Variants in PCDHA4 observed in about 807,000 individuals in gnomAD.
PCDHA4 encodes the protein protocadherin alpha-4.
A neutral mutation model predicts 61.4 loss-of-function variants in PCDHA4; 49 were observed. That is an observed-to-expected ratio of 0.80 (90% CI 0.63 to 1.01). The LOEUF is 1.01. PCDHA4 is among the 50% of genes least tolerant of loss of function. The probability of loss-of-function intolerance (pLI) is 0.00; values close to 1 mark genes in which losing one functional copy is unlikely to be tolerated. For missense variants in PCDHA4, 1,254 were observed against 1,235.8 expected, an observed-to-expected ratio of 1.01 and a Z score of -0.22; for synonymous variants, 590 against 550.3, an observed-to-expected ratio of 1.07 and a Z score of -1.01.
rs2150492048 is a variant in PCDHA4, at chr5:140,850,648, A to T, written c.2385+41076A>T. The T allele has an allele frequency of 6.9e-6, 11 of 1,598,398 alleles. No individual in the cohort carries two copies. In the South Asian group the frequency reaches 1.1e-4, roughly 16 times the overall value. On this transcript the variant is annotated intron_variant, in intron 1 of 3. Coordinates refer to ENST00000530339, the MANE Select transcript of PCDHA4 (RefSeq NM_018907.4). ...CTGTTGGTTCTCACGCTGCTGCTGT[A>T]CACTGTGCTGCGGTGCTCGGCGATG...
At chr5:140,951,589 C>A (rs2094605772) in intron 1 of PCDHA4, among the ~76,000 whole-genome samples, 1 of 152,088 alleles carries the variant, frequency 6.6e-6, no homozygotes, top group Admixed American at 6.5e-5. Flanking sequence ...TTCACGAGAT[C>A]TCTCTCACTG....
intron 1 of PCDHA4, chr5:140,869,867 C>T (rs1554163562): frequency 6.2e-7 from 1 of 1,609,988 alleles, no homozygotes; most frequent in East Asian, 2.2e-5. Flanking sequence ...ATGGAAAATG[C>T]TGCTAAAGAA....
intron 1 of PCDHA4, chr5:140,859,600 C>T (rs1562546033): frequency 6.1e-6 from 1 of 162,864 alleles, no homozygotes; most frequent in African/African-American, 2.4e-5. Context: ...TTAGCAATTA[C>T]TTTTTTCTTT....
intron 1 of PCDHA4, chr5:140,822,334 G>C: frequency 6.2e-7 from 1 of 1,614,120 alleles, no homozygotes; most frequent in Non-Finnish European, 8.5e-7. Flanking sequence ...AAATGAAGAA[G>C]AAACGAACTT....
At chr5:140,919,166 GT>G (rs1382267419) in intron 1 of PCDHA4, among the ~76,000 whole-genome samples, 15 of 152,114 alleles carry the variant, frequency 9.9e-5, no homozygotes, top group Admixed American at 9.8e-4. Context: ...TATGTTTTTA[GT>G]TGCTATATCT....
intron 1 of PCDHA4, chr5:140,870,868 G>A (rs550915753): frequency 1.2e-6 from 2 of 1,613,944 alleles, no homozygotes; most frequent in Non-Finnish European, 1.7e-6. Flanking sequence ...TGCGGGCCAC[G>A]TGGTGGCGAA....
chr5:140,851,523 C>T lies in PCDHA4; in HGVS notation c.2385+41951C>T, dbSNP rs1562479634. The T allele has an allele frequency of 1.1e-5, 10 of 902,364 alleles. 2 individuals are homozygous for T. The highest frequency in any genetic ancestry group is 1.4e-5 in the Non-Finnish European group (10 of 740,586). 55.9% of individuals were successfully genotyped at this position (902,364 alleles called of 1,614,324 possible). A position where few individuals can be genotyped will look rare whatever the true frequency, so the allele number is the denominator to read the frequency against. On this transcript the variant is annotated intron_variant, in intron 1 of 3. Coordinates refer to ENST00000530339, the MANE Select transcript of PCDHA4 (RefSeq NM_018907.4). The stretch of plus-strand genomic sequence containing the variant: ...CTTATATAAAATATGTTTTAAAATG[C>T]CTGACAATGTAGATAATTCAAGAAA...
chr5:140,853,680 C>T (rs142269623), intron 1 of PCDHA4: 5 of 988,078 alleles, frequency 5.1e-6, no homozygotes, highest in Non-Finnish European at 6.1e-6. Flanking sequence ...TATGGTCAAC[C>T]TATCCTTAGA....
chr5:140,976,776 C>T (rs1554237952), intron 1 of PCDHA4, among the ~76,000 whole-genome samples: 1 of 152,184 alleles, frequency 6.6e-6, no homozygotes. Context: ...TAGACTCTGA[C>T]TATATAGCTA....
chr5:140,880,063 G>A (rs750549371), intron 1 of PCDHA4, among the ~76,000 whole-genome samples: 2 of 151,982 alleles, frequency 1.3e-5, no homozygotes, highest in Non-Finnish European at 2.9e-5. Flanking sequence ...AACTTTTTGG[G>A]GACCACAATT....
At chr5:140,882,332 G>T (rs782439110) in intron 1 of PCDHA4, 20 of 1,614,060 alleles carry the variant, frequency 1.2e-5, no homozygotes, top group Non-Finnish European at 1.7e-5. Flanking sequence ...TCTGATCCTC[G>T]CAGCCTGGGA....
chr5:140,932,866 T>C (rs1584758563), intron 1 of PCDHA4, among the ~76,000 whole-genome samples: 1 of 151,996 alleles, frequency 6.6e-6, no homozygotes, highest in Non-Finnish European at 1.5e-5. Flanking sequence ...TTATTGTCTT[T>C]TGTTGTCTTC....
At chr5:140,868,986 C>T in intron 1 of PCDHA4, 1 of 1,503,326 alleles carries the variant, frequency 6.7e-7, no homozygotes. Flanking sequence ...TACCGGATGC[C>T]ACCGTTTAAG....
intron 1 of PCDHA4, chr5:140,881,443 G>A: frequency 1.2e-6 from 1 of 818,722 alleles, no homozygotes; most frequent in Non-Finnish European, 1.5e-6. Context: ...TATAAAAACA[G>A]AATCCAAAAC....
chr5:140,862,832 C>A (rs1554157076), intron 1 of PCDHA4: 1 of 572,198 alleles, frequency 1.7e-6, no homozygotes, highest in South Asian at 1.4e-5. Context: ...GCGCGCGACG[C>A]GGGCATGCCG....
chr5:140,940,450 A>G (rs1279490375), intron 1 of PCDHA4, among the ~76,000 whole-genome samples: 1 of 151,884 alleles, frequency 6.6e-6, no homozygotes, highest in Non-Finnish European at 1.5e-5. Flanking sequence ...GATATTTTTT[A>G]TAGGTTTCTG....
At chr5:140,837,760 T>C (rs1554136627) in intron 1 of PCDHA4, among the ~76,000 whole-genome samples, 1 of 151,798 alleles carries the variant, frequency 6.6e-6, no homozygotes, top group African/African-American at 2.4e-5. Context: ...CACTGCAACC[T>C]GAAAGTCCTG....
intron 1 of PCDHA4, chr5:140,829,644 A>T (rs1770465751): frequency 6.2e-7 from 1 of 1,612,124 alleles, no homozygotes; most frequent in South Asian, 1.1e-5. Flanking sequence ...GGCAAGGTGT[A>T]CGCGCTGCAG....
At chr5:140,858,790 AT>A in intron 1 of PCDHA4, 1 of 388,116 alleles carries the variant, frequency 2.6e-6, no homozygotes. Context: ...ATGTTATTTC[AT>A]TTCCAATCTA....
Sources: allele counts gnomAD v4.1 joint callset (sites outside exome capture counted in the v4.1 genomes callset), GRCh38; gene constraint gnomAD v4.1.1; transcripts MANE v1.5; gene names NCBI Gene and HGNC (gene_info 2026-07-23, HGNC 2026-07-21).